Variants in MAP7 observed in about 807,000 individuals in gnomAD.
MAP7 encodes the protein ensconsin.
In MAP7, 52 loss-of-function variants were observed where a neutral mutation model predicts 94.8. The observed-to-expected ratio is 0.55, with a 90% CI of 0.44 to 0.69. The LOEUF is 0.69. MAP7 is among the 30% of genes least tolerant of loss of function. The pLI, the probability that MAP7 is intolerant of heterozygous loss-of-function variation, is 0.00. For synonymous variants in MAP7, 350 were observed against 357.0 expected, an observed-to-expected ratio of 0.98 and a Z score of 0.22; for missense variants, 940 against 964.6, an observed-to-expected ratio of 0.97 and a Z score of 0.34.
At chr6:136,395,904 C>A (rs1274055006) in intron 3 of MAP7, among the ~76,000 whole-genome samples, 1 of 152,048 alleles carries the variant, frequency 6.6e-6, no homozygotes, top group Admixed American at 6.6e-5. Context: ...TATTCTGTTC[C>A]ATTGGTCTAT....
intron 1 of MAP7, among the ~76,000 whole-genome samples, chr6:136,492,665 C>T (rs577519760): frequency 1.3e-5 from 2 of 152,016 alleles, no homozygotes; most frequent in Non-Finnish European, 2.9e-5. Context: ...GCAATATTTC[C>T]ATAAAAGAAT....
At chr6:136,374,314 G>A (rs1469807079) in intron 7 of MAP7, among the ~76,000 whole-genome samples, 7 of 152,136 alleles carry the variant, frequency 4.6e-5, no homozygotes, top group Non-Finnish European at 7.4e-5. Context: ...TTTCTCAAGC[G>A]CCACAACAAG....
At chr6:136,544,461 T>C (rs1235737217) in intron 1 of MAP7, among the ~76,000 whole-genome samples, 1 of 152,216 alleles carries the variant, frequency 6.6e-6, no homozygotes, top group African/African-American at 2.4e-5. Context: ...CAGCTTTTTA[T>C]AAAATGTCTT....
At chr6:136,384,201 A>G (rs1778552566) in intron 5 of MAP7, among the ~76,000 whole-genome samples, 1 of 152,184 alleles carries the variant, frequency 6.6e-6, no homozygotes, top group South Asian at 2.1e-4. Context: ...TAAAAAGAAC[A>G]CCAGGTTCTG....
chr6:136,428,953 T>TAGCATCTG (rs1318361650), intron 1 of MAP7, among the ~76,000 whole-genome samples: 3 of 152,216 alleles, frequency 2.0e-5, no homozygotes, highest in Admixed American at 6.5e-5. Flanking sequence ...TCTACAATCT[T>TAGCATCTG]AGCAGTCATC....
intron 1 of MAP7, among the ~76,000 whole-genome samples, chr6:136,520,472 T>C (rs543217865): frequency 6.6e-6 from 1 of 152,346 alleles, no homozygotes; most frequent in Non-Finnish European, 1.5e-5. Flanking sequence ...TAATGTTCCA[T>C]TTACTCTGAA....
rs1798683417 is a variant in MAP7, at chr6:136,444,217, A to C, written c.68-22418T>G. Reference sequence around the variant, plus strand: ...TCTATGAGCCTCCTTCATCAGAAACACCTTGGGTATTTACTTAAAATGCAG... The same window carrying C: ...TCTATGAGCCTCCTTCATCAGAAACCCCTTGGGTATTTACTTAAAATGCAG... On this transcript the variant is annotated intron_variant, in intron 1 of 17. Transcript: ENST00000354570. 2.0e-5 allele frequency among the ~76,000 whole-genome samples: 3 copies of C among 152,302 alleles called. No individual in the cohort carries two copies. In the South Asian group the frequency reaches 6.2e-4, roughly 32 times the overall value.
intron 1 of MAP7, among the ~76,000 whole-genome samples, chr6:136,504,630 C>A (rs563112439): frequency 6.6e-6 from 1 of 152,218 alleles, no homozygotes; most frequent in African/African-American, 2.4e-5. Context: ...AGGCCTGAGC[C>A]ACCGCATCCA....
At chr6:136,417,024 T>C (rs893278974) in intron 2 of MAP7, among the ~76,000 whole-genome samples, 2 of 152,094 alleles carry the variant, frequency 1.3e-5, no homozygotes, top group East Asian at 3.9e-4. Context: ...GAGGCTGAGG[T>C]GACAGGATCG....
At chr6:136,405,983 C>G (rs1785469502) in intron 3 of MAP7, among the ~76,000 whole-genome samples, 1 of 152,074 alleles carries the variant, frequency 6.6e-6, no homozygotes, top group African/African-American at 2.4e-5. Context: ...CTTCAATACT[C>G]CAGCATCCCT....
intron 16 of MAP7, among the ~76,000 whole-genome samples, chr6:136,349,795 G>A (rs1788645904): frequency 6.6e-6 from 1 of 152,154 alleles, no homozygotes; most frequent in Non-Finnish European, 1.5e-5. Flanking sequence ...AAGAAAAATG[G>A]CTTTGGGGCA....
chr6:136,509,555 G>T (rs1822601925), intron 1 of MAP7, among the ~76,000 whole-genome samples: 1 of 151,908 alleles, frequency 6.6e-6, no homozygotes, highest in African/African-American at 2.4e-5. Context: ...ACCCAGTTTC[G>T]GTTTTTGTTT....
chr6:136,505,024 T>C (rs1006799217), intron 1 of MAP7, among the ~76,000 whole-genome samples: 4 of 151,940 alleles, frequency 2.6e-5, no homozygotes, highest in Admixed American at 2.6e-4. Context: ...CTGGGGTCCA[T>C]GAGTATTTAT....
intron 1 of MAP7, among the ~76,000 whole-genome samples, chr6:136,506,378 A>C (rs1260776634): frequency 6.6e-6 from 1 of 152,096 alleles, no homozygotes; most frequent in South Asian, 2.1e-4. Flanking sequence ...CACAAACCAC[A>C]CTTGAAAGTC....
chr6:136,434,827 C>G (rs181708651), intron 1 of MAP7, among the ~76,000 whole-genome samples: 138 of 152,344 alleles, frequency 9.1e-4, no homozygotes, highest in African/African-American at 3.2e-3. Context: ...GCAGGCGCCA[C>G]AACCTGGCAA....
intron 13 of MAP7, 126 bp from the exon 14 acceptor site, chr6:136,360,157 T>TTA: frequency 1.4e-6 from 1 of 715,016 alleles, no homozygotes; most frequent in African/African-American, 1.8e-5. Context: ...TATGCACTTT[T>TTA]TTTTTTTTTT....
chr6:136,393,908 G>T (rs900975317), intron 3 of MAP7, among the ~76,000 whole-genome samples: 3 of 150,354 alleles, frequency 2.0e-5, no homozygotes, highest in African/African-American at 7.4e-5. Flanking sequence ...CCTGAGTGCT[G>T]GGATTACAGG....
intron 3 of MAP7, among the ~76,000 whole-genome samples, chr6:136,392,485 A>G (rs1039839937): frequency 3.4e-5 from 5 of 147,108 alleles, no homozygotes; most frequent in Non-Finnish European, 5.9e-5. Flanking sequence ...TAATGGCTAT[A>G]TAGTATTTTA....
chr6:136,466,442 A>G (rs1314962107), intron 1 of MAP7, among the ~76,000 whole-genome samples: 2 of 152,154 alleles, frequency 1.3e-5, no homozygotes, highest in Non-Finnish European at 2.9e-5. Flanking sequence ...TTTGTCAAAA[A>G]AAGAAAGAAG....
Sources: gnomAD v4.1 joint callset for allele counts (sites outside exome capture counted in the v4.1 genomes callset) on GRCh38, gnomAD v4.1.1 for gene constraint, MANE v1.5 for transcripts, NCBI Gene and HGNC (gene_info 2026-07-23, HGNC 2026-07-21) for gene names.